Variants in ADAMTS18 observed in about 807,000 individuals in gnomAD.
ADAMTS18 encodes the protein A disintegrin and metalloproteinase with thrombospondin motifs 18.
ADAMTS18 carries 157 observed loss-of-function variants against 165.9 expected under a neutral mutation model. That is an observed-to-expected ratio of 0.95 (90% CI 0.83 to 1.08). The LOEUF is 1.08. ADAMTS18 is among the 50% of genes least tolerant of loss of function. ADAMTS18 has a pLI of 0.00. For synonymous variants in ADAMTS18, 782 were observed against 578.2 expected, an observed-to-expected ratio of 1.35 and a Z score of -5.06; for missense variants, 2,040 against 1,534.0, an observed-to-expected ratio of 1.33 and a Z score of -5.51.
At chr16:77,377,564 C>G (rs532376560) in intron 3 of ADAMTS18, among the ~76,000 whole-genome samples, 1 of 152,328 alleles carries the variant, frequency 6.6e-6, no homozygotes, top group Non-Finnish European at 1.5e-5. Context: ...GCCCCATGGG[C>G]AGTATCATTA....
chr16:77,326,035 A>G lies in ADAMTS18; in HGVS notation c.1863T>C (p.Pro621=), dbSNP rs2056090351. ...CTGGACAGAATAAGCCACCATACTGAGGCCTGAAAATGAAATTAATGAACT... is the reference window on the plus strand; with the variant it reads ...CTGGACAGAATAAGCCACCATACTGGGGCCTGAAAATGAAATTAATGAACT... The part of the protein sequence containing the change: ...FQERHCNNPK[P]QYGGLFCPGS... Residue 621 remains proline, a synonymous_variant, in exon 13 of 23, where the codon CCT becomes CCC. Transcript: ENST00000282849. 1.2e-6 allele frequency: 2 copies of G among 1,613,668 alleles called. No homozygotes were observed. Among genetic ancestry groups the G allele is most frequent in the East Asian group, 2.2e-5 (1 of 44,830 alleles).
At chr16:77,331,372 A>G (rs2056186546) in intron 12 of ADAMTS18, among the ~76,000 whole-genome samples, 1 of 152,216 alleles carries the variant, frequency 6.6e-6, no homozygotes, top group South Asian at 2.1e-4. Context: ...TCACAAATGT[A>G]AAGTAATATG....
At chr16:77,326,148 CAAAG>C in intron 12 of ADAMTS18, 110 bp from the exon 13 acceptor site, 15 of 1,017,414 alleles carry the variant, frequency 1.5e-5, no homozygotes, top group Non-Finnish European at 2.2e-5. Flanking sequence ...ACAGTGTATG[CAAAG>C]GCATACAGTC....
chr16:77,430,831 A>C (rs905682204), intron 3 of ADAMTS18, among the ~76,000 whole-genome samples: 1 of 152,228 alleles, frequency 6.6e-6, no homozygotes, highest in African/African-American at 2.4e-5. Context: ...CACCAGCAAC[A>C]GATTAGTTCA....
intron 3 of ADAMTS18, among the ~76,000 whole-genome samples, chr16:77,396,644 A>C (rs1008125946): frequency 1.3e-5 from 2 of 152,224 alleles, no homozygotes; most frequent in African/African-American, 4.8e-5. Context: ...TCCAGCAGAC[A>C]GGGGAAATCC....
intron 3 of ADAMTS18, among the ~76,000 whole-genome samples, chr16:77,379,803 G>C (rs2057005997): frequency 6.6e-6 from 1 of 152,100 alleles, no homozygotes; most frequent in Non-Finnish European, 1.5e-5. Flanking sequence ...ATCTGTTTAA[G>C]ATGAGTCAGG....
Position 77,431,652 on chromosome 16 carries a change from C to G in ADAMTS18, c.179-41G>C, listed in dbSNP as rs1202787469. The stretch of plus-strand genomic sequence containing the variant: ...TTCAGCTGTCAGCACCCAGAGCCCA[C>G]AATTCCAAATGGTCTCTTTCCAGCA... On this transcript the variant is annotated intron_variant, in intron 2 of 22. Coordinates refer to ENST00000282849, the MANE Select transcript of ADAMTS18 (RefSeq NM_199355.4). The G allele has an allele frequency of 1.9e-6, 3 of 1,603,218 alleles. No individual in the cohort carries two copies. The African/African-American group carries it at 4.0e-5, about 21-fold the overall frequency.
At chr16:77,285,357 G>A (rs554779869) in intron 22 of ADAMTS18, among the ~76,000 whole-genome samples, 1 of 151,880 alleles carries the variant, frequency 6.6e-6, no homozygotes, top group South Asian at 2.1e-4. Context: ...ATTTTTAGTA[G>A]AGATGGGGTT....
chr16:77,325,138 A>G (rs2056070460), intron 13 of ADAMTS18, among the ~76,000 whole-genome samples: 1 of 152,186 alleles, frequency 6.6e-6, no homozygotes, highest in East Asian at 1.9e-4. Flanking sequence ...TTTCCATTCT[A>G]CACATGGGCA....
rs74028906 is a variant in ADAMTS18, at chr16:77,408,690, T to G, written c.495+22605A>C. Among the ~76,000 whole-genome samples, 532 of 152,300 alleles carry G rather than the reference T, an allele frequency of 3.5e-3. 3 individuals carry two copies. Among genetic ancestry groups the G allele is most frequent in the African/African-American group, 0.012 (516 of 41,574 alleles). ...GACAGAAGTCATGGTAGCAATTATG[T>G]CTGTGGAGTGAGACAATTTGGAACT... On this transcript the variant is annotated intron_variant, in intron 3 of 22. Coordinates refer to ENST00000282849, the MANE Select transcript of ADAMTS18 (RefSeq NM_199355.4).
chr16:77,304,675 T>C (rs893761450), intron 16 of ADAMTS18, among the ~76,000 whole-genome samples: 2 of 152,188 alleles, frequency 1.3e-5, no homozygotes, highest in South Asian at 4.1e-4. Context: ...CATAATATCA[T>C]GGTAATACAA....
intron 22 of ADAMTS18, among the ~76,000 whole-genome samples, chr16:77,284,570 G>T (rs77529558): frequency 2.0e-5 from 3 of 152,068 alleles, no homozygotes; most frequent in African/African-American, 4.8e-5. Context: ...ACTTTGGTAG[G>T]GGGGTGAGGT....
chr16:77,434,702 G>C lies in ADAMTS18; in HGVS notation c.-7C>G, dbSNP rs1454849539. The C allele has an allele frequency of 1.4e-6, 2 of 1,441,566 alleles. No homozygotes were observed. The highest frequency in any genetic ancestry group is 2.5e-5 in the Admixed American group (1 of 39,702). The allele number at this position is 1,441,566 out of a possible 1,614,324, so 89.3% of individuals were successfully genotyped here. On this transcript the variant is annotated 5_prime_UTR_variant, in exon 1 of 23. Coordinates refer to ENST00000282849, the MANE Select transcript of ADAMTS18 (RefSeq NM_199355.4). ...GCAGGAGGGCGCACTCCATGGTCAG[G>C]TGCGGACGCGGCGGCTGCGGGTGGC...
At chr16:77,328,436 G>A (rs562388466) in intron 12 of ADAMTS18, among the ~76,000 whole-genome samples, 99 of 152,236 alleles carry the variant, frequency 6.5e-4, no homozygotes, top group Middle Eastern at 3.4e-3. Context: ...TTGCTTCAGC[G>A]TAATTAATTT....
rs191982384 is a variant in ADAMTS18 at position 77,372,246 on chromosome 16, T to A, written c.496-4523A>T. Among the ~76,000 whole-genome samples the A allele has an allele frequency of 5.4e-3, 820 of 152,328 alleles. 5 individuals are homozygous for A. Among genetic ancestry groups the A allele is most frequent in the African/African-American group, 0.014 (602 of 41,580 alleles). ...AATTAAATATAGTTCTACCATATGA[T>A]CCAGCAATCCCACTACCGGGTATTT... On this transcript the variant is annotated intron_variant, in intron 3 of 22. Transcript: ENST00000282849.
At chr16:77,322,759 A>G (rs2056026536) in intron 13 of ADAMTS18, among the ~76,000 whole-genome samples, 1 of 152,222 alleles carries the variant, frequency 6.6e-6, no homozygotes, top group Non-Finnish European at 1.5e-5. Context: ...CCTGGATAGT[A>G]AACCTTTCAG....
intron 16 of ADAMTS18, among the ~76,000 whole-genome samples, chr16:77,303,971 AGT>A: frequency 1.3e-5 from 2 of 152,250 alleles, no homozygotes; most frequent in South Asian, 4.2e-4. Flanking sequence ...CGGAGCTTGC[AGT>A]GAGCCGAGAT....
chr16:77,358,798 C>G (rs1168037173), intron 8 of ADAMTS18, among the ~76,000 whole-genome samples: 2 of 152,158 alleles, frequency 1.3e-5, no homozygotes, highest in African/African-American at 4.8e-5. Flanking sequence ...TGTTCCAATG[C>G]AGCTGCTATT....
chr16:77,433,380 A>C (rs1016394813), intron 2 of ADAMTS18: 2 of 152,290 alleles, frequency 1.3e-5, no homozygotes, highest in Non-Finnish European at 2.9e-5. Flanking sequence ...GGGGAGAATA[A>C]CAGGCTGTCG....
Sources: allele counts gnomAD v4.1 joint callset (sites outside exome capture counted in the v4.1 genomes callset), GRCh38; gene constraint gnomAD v4.1.1; transcripts MANE v1.5; gene names NCBI Gene and HGNC (gene_info 2026-07-23, HGNC 2026-07-21).